Variants in MED13L observed in about 807,000 individuals in gnomAD.
MED13L encodes the protein mediator of RNA polymerase II transcription subunit 13-like.
Under a neutral mutation model 220.9 loss-of-function variants are expected in MED13L, and 7 were observed. The observed-to-expected ratio is 0.03, with a 90% confidence interval of 0.02 to 0.06. The LOEUF (loss-of-function observed/expected upper bound fraction) is 0.06. Among genes scored for constraint, MED13L ranks in the 10% least tolerant of loss-of-function variants. MED13L has a pLI of 1.00. For synonymous variants in MED13L, 1,011 were observed against 1,015.2 expected (o/e 1.00, Z 0.08); for missense variants, 1,965 against 2,760.5 (o/e 0.71, Z 6.46).
chr12:116,167,364 C>T (rs996276300), intron 2 of MED13L, among the ~76,000 whole-genome samples: 1 of 152,126 alleles, frequency 6.6e-6, no homozygotes, highest in Non-Finnish European at 1.5e-5. Flanking sequence ...TGATGCCAGT[C>T]TATTAAGTAT....
chr12:116,143,330 CAAA>C (rs776961298), intron 2 of MED13L, among the ~76,000 whole-genome samples: 14 of 81,130 alleles, frequency 1.7e-4, no homozygotes, highest in East Asian at 3.1e-4. Context: ...CACCTTGTCT[CAAA>C]AAAAAAAAAA....
rs1224510574 is a variant in MED13L at position 116,205,522 on chromosome 12, CAAAG to C, written c.310+31942_310+31945del. On this transcript the variant is annotated intron_variant, in intron 2 of 30. Transcript: ENST00000281928. ...CTGTTCTACCATTAAAAAAAAAAAACAAAGGAAGAGAAAAAAAAAAAAAAAAAGG... is the reference window on the plus strand; with the variant it reads ...CTGTTCTACCATTAAAAAAAAAAAACGAAGAGAAAAAAAAAAAAAAAAAGG... Among the ~76,000 whole-genome samples the C allele has an allele frequency of 2.0e-4, 8 of 40,824 alleles. No homozygotes were observed. In the East Asian group the frequency reaches 5.1e-3, roughly 26 times the overall value. The allele number at this position is 40,824 out of a possible 152,430, so 26.8% of individuals were successfully genotyped here. A position where few individuals can be genotyped will look rare whatever the true frequency, so the allele number is the denominator to read the frequency against.
At chr12:116,111,706 T>C (rs538414939) in intron 2 of MED13L, among the ~76,000 whole-genome samples, 194 bp from the exon 3 acceptor site, 4 of 152,144 alleles carry the variant, frequency 2.6e-5, no homozygotes, top group African/African-American at 9.7e-5. Context: ...CAAAAAAAAG[T>C]AATGTGTCTT....
At chr12:116,202,103 T>C (rs545755287) in intron 2 of MED13L, among the ~76,000 whole-genome samples, 2 of 152,332 alleles carry the variant, frequency 1.3e-5, no homozygotes, top group African/African-American at 4.8e-5. Flanking sequence ...GTCAATGGAA[T>C]GAGCCAAATC....
At chr12:115,997,680 C>T (rs542946173) in intron 14 of MED13L, among the ~76,000 whole-genome samples, 1 of 152,340 alleles carries the variant, frequency 6.6e-6, no homozygotes, top group African/African-American at 2.4e-5. Context: ...CCTCGTACTC[C>T]CCAAGCGCTG....
Position 116,147,709 on chromosome 12 carries a change from T to C in MED13L, c.311-36197A>G, listed in dbSNP as rs1161469364. Among the ~76,000 whole-genome samples the C allele has an allele frequency of 2.6e-5, 4 of 152,136 alleles. No homozygotes were observed. The East Asian group carries it at 7.7e-4, about 29-fold the overall frequency. On this transcript the variant is annotated intron_variant, in intron 2 of 30. Coordinates refer to ENST00000281928, the MANE Select transcript of MED13L (RefSeq NM_015335.5). ...ATACCAAACTGTAATTTTTCTACCT[T>C]ACAAGAAGAACGGTTGGGTATTTAC...
intron 2 of MED13L, among the ~76,000 whole-genome samples, chr12:116,176,456 T>C (rs1441422729): frequency 7.3e-5 from 11 of 150,840 alleles, no homozygotes; most frequent in Admixed American, 7.3e-4. Flanking sequence ...AACAGAAGAG[T>C]AGCAAAGAAA....
Position 116,165,562 on chromosome 12 carries a change from C to A in MED13L, c.311-54050G>T, listed in dbSNP as rs544588113. 2.6e-5 allele frequency among the ~76,000 whole-genome samples: 4 copies of A among 151,926 alleles called. No individual in the cohort carries two copies. In the South Asian group the frequency reaches 8.3e-4, roughly 32 times the overall value. On this transcript the variant is annotated intron_variant, in intron 2 of 30. Coordinates refer to ENST00000281928, the MANE Select transcript of MED13L (RefSeq NM_015335.5). ...AGCCGAATGGTCTCTATCTCCTTAC[C>A]TCGTGATCCCCCCCGCCTCAGCCTC...
intron 4 of MED13L, among the ~76,000 whole-genome samples, chr12:116,052,150 G>C (rs1034174200): frequency 1.3e-5 from 2 of 152,012 alleles, no homozygotes; most frequent in African/African-American, 4.8e-5. Context: ...CACAAAAACA[G>C]TTTCGTAGTG....
At chr12:116,232,156 T>C (rs1169134686) in intron 2 of MED13L, 28 of 984,986 alleles carry the variant, frequency 2.8e-5, no homozygotes, top group Non-Finnish European at 3.3e-5. Context: ...GTGGCAGCAC[T>C]CTTAAAAATA....
Position 116,127,818 on chromosome 12 carries a change from C to T in MED13L, c.311-16306G>A, listed in dbSNP as rs138064541. 4.8e-3 allele frequency among the ~76,000 whole-genome samples: 738 copies of T among 152,276 alleles called. 2 individuals are homozygous for T. Among genetic ancestry groups the T allele is most frequent in the African/African-American group, 0.017 (704 of 41,556 alleles). ...CTTAAGTCACATCGTAGCATCCTGC[C>T]TCTTAAAGCCTTATTTTAATGGCTT... is the stretch of plus-strand genomic sequence containing the variant. On this transcript the variant is annotated intron_variant, in intron 2 of 30. Coordinates refer to ENST00000281928, the MANE Select transcript of MED13L (RefSeq NM_015335.5).
At position 116,276,308 on chromosome 12, in the gene MED13L, TTGTGTGTGTGTG is replaced by T. The variant is rs372521434; in HGVS notation, c.72+740_72+751del. 3.2e-3 allele frequency: 721 copies of T among 224,844 alleles called. 1 individual carries two copies. Among genetic ancestry groups the T allele is most frequent in the African/African-American group, 7.9e-3 (317 of 40,006 alleles). The allele number at this position is 224,844 out of a possible 1,614,324, so 13.9% of individuals were successfully genotyped here. A position where few individuals can be genotyped will look rare whatever the true frequency, so the allele number is the denominator to read the frequency against. ...TATCAAACCGACCAGCTTGTTGCTT[TTGTGTGTGTGTG>T]TGTGTGTGTGTGTGTGTGTGTGTGT... On this transcript the variant is annotated intron_variant, in intron 1 of 30. Coordinates refer to ENST00000281928, the MANE Select transcript of MED13L (RefSeq NM_015335.5).
At chr12:116,023,372 A>G (rs1399907597) in intron 4 of MED13L, among the ~76,000 whole-genome samples, 1 of 152,202 alleles carries the variant, frequency 6.6e-6, no homozygotes, top group Non-Finnish European at 1.5e-5. Flanking sequence ...TTTGGCCCTA[A>G]GATAGCCATA....
intron 15 of MED13L, 57 bp from the exon 16 acceptor site, chr12:115,996,738 C>G: frequency 6.9e-7 from 1 of 1,450,996 alleles, no homozygotes; most frequent in South Asian, 1.2e-5. Flanking sequence ...GAACACACCA[C>G]AGTGGCATAG....
rs141213669 is a variant in MED13L, at chr12:116,103,869, G to A, written c.396-7117C>T. On this transcript the variant is annotated intron_variant, in intron 3 of 30. Coordinates refer to ENST00000281928, the MANE Select transcript of MED13L (RefSeq NM_015335.5). Reference sequence around the variant, plus strand: ...TATTGATTACTCATTTCTTGCTCCTGTTATCACATTATACCCAACGACTGT... The same window carrying A: ...TATTGATTACTCATTTCTTGCTCCTATTATCACATTATACCCAACGACTGT... 9.3e-3 allele frequency among the ~76,000 whole-genome samples: 1,411 copies of A among 151,976 alleles called. 83 individuals carry two copies. The highest frequency in any genetic ancestry group is 0.084 in the Admixed American group (1,288 of 15,268).
At chr12:116,003,751 G>T (rs549492013) in intron 13 of MED13L, among the ~76,000 whole-genome samples, 7 of 151,920 alleles carry the variant, frequency 4.6e-5, no homozygotes, top group Non-Finnish European at 8.8e-5. Flanking sequence ...CAAATAGAAG[G>T]CCTTTTATTT....
chr12:116,101,276 G>A (rs893586705), intron 3 of MED13L, among the ~76,000 whole-genome samples: 3 of 152,214 alleles, frequency 2.0e-5, no homozygotes, highest in African/African-American at 4.8e-5. Flanking sequence ...GAGTACAGAC[G>A]GTGTGTGTCT....
At chr12:115,993,196 G>C (rs943347677) in intron 16 of MED13L, among the ~76,000 whole-genome samples, 1 of 152,066 alleles carries the variant, frequency 6.6e-6, no homozygotes, top group Non-Finnish European at 1.5e-5. Flanking sequence ...GGTATCCGAG[G>C]GGGTCCTGGA....
chr12:116,126,268 T>A (rs1875578246), intron 2 of MED13L, among the ~76,000 whole-genome samples: 1 of 152,222 alleles, frequency 6.6e-6, no homozygotes, highest in African/African-American at 2.4e-5. Context: ...TTATTTACAG[T>A]CGCAGTGGTG....
Sources: allele counts gnomAD v4.1 joint callset (sites outside exome capture counted in the v4.1 genomes callset), GRCh38; gene constraint gnomAD v4.1.1; transcripts MANE v1.5; gene names NCBI Gene and HGNC (gene_info 2026-07-23, HGNC 2026-07-21).